MCF2L2: variants seen among roughly 807,000 people sequenced by gnomAD.
The protein encoded by MCF2L2 is MCF.2 cell line derived transforming sequence-like 2, also known as probable guanine nucleotide exchange factor MCF2L2.
Under a neutral mutation model 150.2 loss-of-function variants are expected in MCF2L2, and 102 were observed. The observed-to-expected ratio is 0.68, with a 90% CI of 0.58 to 0.80. MCF2L2 has a LOEUF of 0.80. Among genes scored for constraint, MCF2L2 ranks in the 30% least tolerant of loss-of-function variants. The probability of loss-of-function intolerance (pLI) is 0.00; values close to 1 mark genes in which losing one functional copy is unlikely to be tolerated. For missense variants in MCF2L2, 1,256 were observed against 1,372.8 expected (o/e 0.91, Z 1.34); for synonymous variants, 465 against 491.3 (o/e 0.95, Z 0.71).
At chr3:183,352,360 T>C (rs1711531988) in intron 3 of MCF2L2, among the ~76,000 whole-genome samples, 1 of 151,840 alleles carries the variant, frequency 6.6e-6, no homozygotes, top group Non-Finnish European at 1.5e-5. Context: ...CCATCTCTAC[T>C]AAAAATGAAA....
At chr3:183,314,346 T>C (rs1729507739) in intron 7 of MCF2L2, among the ~76,000 whole-genome samples, 1 of 152,216 alleles carries the variant, frequency 6.6e-6, no homozygotes, top group Non-Finnish European at 1.5e-5. Flanking sequence ...ATTGTTCCAC[T>C]GTGGATGTTT....
intron 1 of MCF2L2, among the ~76,000 whole-genome samples, chr3:183,402,460 A>AAAAAAAAAAAAAAAAAAAAAAAAAAAG (rs1714817654): frequency 6.7e-6 from 1 of 149,296 alleles, no homozygotes; most frequent in Non-Finnish European, 1.5e-5. Context: ...TCAAAAAAAA[A>AAAAAAAAAAAAAAAAAAAAAAAAAAAG]AAAAAAAAAA....
chr3:183,228,245 G>A (rs1345525905), intron 18 of MCF2L2, 52 bp downstream of exon 18: 8 of 1,416,210 alleles, frequency 5.6e-6, no homozygotes, highest in Non-Finnish European at 8.0e-6. Flanking sequence ...ACTTAACGCA[G>A]AAATGTAAGG....
rs1440545089 is a variant in MCF2L2, at chr3:183,197,680, T to C, written c.2885-2425A>G. Among the ~76,000 whole-genome samples, 2 of 151,982 alleles carry C rather than the reference T, an allele frequency of 1.3e-5. No homozygotes were observed. Among genetic ancestry groups the C allele is most frequent in the African/African-American group, 4.8e-5 (2 of 41,368 alleles). ...CTTAAGAGAAAAAGATGCCACACAC[T>C]AGAAGAAAATATTTACAAAGCATTA... On this transcript the variant is annotated intron_variant, in intron 25 of 29. Transcript: ENST00000328913. The surrounding 1 kb of genome is among the most constrained non-coding windows in gnomAD (Gnocchi z 4.5).
Position 183,355,507 on chromosome 3 carries a change from C to T in MCF2L2, c.276-13877G>A, listed in dbSNP as rs373995789. ...CTGTCGCATAGGTGGAGTGCCGTGG[C>T]GCGATCTCGGCTCACTGCAAGCTCC... On this transcript the variant is annotated intron_variant, in intron 3 of 29. Transcript: ENST00000328913. Among the ~76,000 whole-genome samples, 301 of 150,342 alleles carry T rather than the reference C, an allele frequency of 2.0e-3. 1 individual carries two copies. The highest frequency in any genetic ancestry group is 0.01 in the Middle Eastern group (3 of 288).
intron 14 of MCF2L2, among the ~76,000 whole-genome samples, chr3:183,282,581 G>A (rs772014795): frequency 6.6e-6 from 1 of 152,104 alleles, no homozygotes; most frequent in Non-Finnish European, 1.5e-5. Flanking sequence ...TCCCATTCCC[G>A]AACCAAGAAA....
chr3:183,261,031 G>T (rs952470131), intron 15 of MCF2L2, among the ~76,000 whole-genome samples: 4 of 152,200 alleles, frequency 2.6e-5, no homozygotes, highest in Non-Finnish European at 5.9e-5. Context: ...TATTGGAAAT[G>T]TAACAGTTGC....
In MCF2L2 at chr3:183,206,151, G is replaced by A. The variant is rs1442450988; in HGVS notation, c.2776C>T (p.Arg926Ter). 8.1e-6 allele frequency: 13 copies of A among 1,614,116 alleles called. No homozygotes were observed. Among genetic ancestry groups the A allele is most frequent in the Admixed American group, 1.7e-5 (1 of 60,010 alleles). The change falls in exon 24 of 30, where the codon CGA becomes TGA. Residue 926 changes from arginine to a stop codon, truncating the protein, a stop_gained. Coordinates refer to ENST00000328913, the MANE Select transcript of MCF2L2 (RefSeq NM_015078.4). LOFTEE classifies it high-confidence loss of function. The stretch of plus-strand genomic sequence containing the variant: ...AGGATGTATTTCTCAAGTCCATTTC[G>A]ACTGGCAATCTCAAACTTTCTATGG... ...GSHRKFEIAS[R>*]NGLEKYILQA... is the part of the protein sequence containing the mutation.
intron 5 of MCF2L2, among the ~76,000 whole-genome samples, chr3:183,334,686 G>A (rs375249439): frequency 1.1e-4 from 16 of 151,766 alleles, no homozygotes; most frequent in Admixed American, 3.9e-4. Flanking sequence ...CCAGCTACTC[G>A]GGAGGCTGAG....
chr3:183,329,616 C>CA (rs1730187158), intron 5 of MCF2L2, among the ~76,000 whole-genome samples: 1 of 152,240 alleles, frequency 6.6e-6, no homozygotes, highest in Non-Finnish European at 1.5e-5. Context: ...GAACTATGGG[C>CA]ATACCCAGCA....
intron 22 of MCF2L2, among the ~76,000 whole-genome samples, 188 bp from the exon 23 acceptor site, chr3:183,208,011 A>G (rs6770548): frequency 0.9 from 136,323 of 152,250 alleles, 61,332 homozygotes; most frequent in East Asian, 1. Context: ...GCGTGGTGCC[A>G]TTTAGTTATA....
chr3:183,357,487 C>T (rs1466971671), intron 3 of MCF2L2, among the ~76,000 whole-genome samples: 1 of 152,126 alleles, frequency 6.6e-6, no homozygotes, highest in Non-Finnish European at 1.5e-5. Flanking sequence ...AATCCAAAAT[C>T]CTCCCAAATC....
chr3:183,301,982 T>TAG (rs1728872656), intron 10 of MCF2L2, among the ~76,000 whole-genome samples: 1 of 152,154 alleles, frequency 6.6e-6, no homozygotes, highest in African/African-American at 2.4e-5. Context: ...TGGTGATTAC[T>TAG]TGCTTTTTCT....
chr3:183,361,693 G>GTGAGAAC (rs201603745), intron 3 of MCF2L2, among the ~76,000 whole-genome samples: 3,251 of 152,294 alleles, frequency 0.021, 120 homozygotes, highest in African/African-American at 0.074. Context: ...TTATAGCAGT[G>GTGAGAAC]TGAGAACGGA....
At position 183,186,689 on chromosome 3, in the gene MCF2L2, T is replaced by A. The variant is rs149105454; in HGVS notation, c.3016+6310A>T. 2.8e-3 allele frequency among the ~76,000 whole-genome samples: 423 copies of A among 152,344 alleles called. 1 individual carries two copies. Among genetic ancestry groups the A allele is most frequent in the South Asian group, 0.017 (82 of 4,828 alleles). On this transcript the variant is annotated intron_variant, in intron 27 of 29. Coordinates refer to ENST00000328913, the MANE Select transcript of MCF2L2 (RefSeq NM_015078.4). ...TTGCAGTGAGCCAAGTTCGTGCCAT[T>A]GCACTCCAGCCTGGGCAACAAGAGT...
intron 15 of MCF2L2, among the ~76,000 whole-genome samples, chr3:183,242,721 G>A (rs1724085104): frequency 6.6e-6 from 1 of 152,156 alleles, no homozygotes; most frequent in Non-Finnish European, 1.5e-5. Flanking sequence ...GTGCCCACTG[G>A]GACACTGCTT....
intron 1 of MCF2L2, among the ~76,000 whole-genome samples, chr3:183,427,248 G>T (rs948213927): frequency 6.6e-6 from 1 of 152,220 alleles, no homozygotes; most frequent in Non-Finnish European, 1.5e-5. Context: ...TGTGGGGCCT[G>T]ACGTTCCATC....
At chr3:183,228,414 T>C in intron 17 of MCF2L2, 48 bp from the exon 18 acceptor site, 3 of 1,334,630 alleles carry the variant, frequency 2.2e-6, no homozygotes, top group African/African-American at 1.4e-5. Context: ...TTTTGACATG[T>C]AGGTAATTAA....
intron 1 of MCF2L2, among the ~76,000 whole-genome samples, chr3:183,423,505 AATG>A (rs1715991648): frequency 6.6e-6 from 1 of 152,202 alleles, no homozygotes; most frequent in Non-Finnish European, 1.5e-5. Context: ...ATTTTAGAAC[AATG>A]ATAAGATCAA....
Sources: allele counts gnomAD v4.1 joint callset (sites outside exome capture counted in the v4.1 genomes callset), GRCh38; gene constraint gnomAD v4.1.1; non-coding constraint Gnocchi (gnomAD v3.1); transcripts MANE v1.5; gene names NCBI Gene and HGNC (gene_info 2026-07-23, HGNC 2026-07-21).